Variants in TACR1 observed in about 807,000 individuals in gnomAD.
TACR1 encodes the protein tachykinin receptor 1.
A neutral mutation model predicts 35.8 loss-of-function variants in TACR1; 25 were observed. The ratio of observed to expected loss-of-function variants is 0.70; its 90% CI spans 0.51 to 0.98. TACR1 has a LOEUF of 0.98. TACR1 is among the 50% of genes least tolerant of loss of function. TACR1 has a pLI of 0.00. For missense variants in TACR1, 478 were observed against 522.9 expected, an observed-to-expected ratio of 0.91 and a Z score of 0.84; for synonymous variants, 195 against 206.7, an observed-to-expected ratio of 0.94 and a Z score of 0.48.
At chr2:75,095,376 C>T (rs1218876509) in intron 2 of TACR1, among the ~76,000 whole-genome samples, 1 of 152,142 alleles carries the variant, frequency 6.6e-6, no homozygotes, top group East Asian at 1.9e-4. Flanking sequence ...TGCTCTCTTT[C>T]CACAGCCTCC....
chr2:75,092,426 A>G (rs1558550255), intron 2 of TACR1, among the ~76,000 whole-genome samples: 1 of 152,184 alleles, frequency 6.6e-6, no homozygotes, highest in East Asian at 1.9e-4. Context: ...GGGTTAAAAA[A>G]AAAGATTTTA....
chr2:75,139,837 G>A (rs1674366093), intron 1 of TACR1, among the ~76,000 whole-genome samples: 1 of 152,180 alleles, frequency 6.6e-6, no homozygotes, highest in African/African-American at 2.4e-5. Context: ...AAAACAGTGA[G>A]GGGAGGCGTG....
At chr2:75,198,469 A>G in intron 1 of TACR1, 77 bp downstream of exon 1, 1 of 1,541,704 alleles carries the variant, frequency 6.5e-7, no homozygotes. Flanking sequence ...CCCATACCCC[A>G]CCCAGTTCCA....
At chr2:75,159,893 T>C (rs1674961263) in intron 1 of TACR1, among the ~76,000 whole-genome samples, 1 of 152,134 alleles carries the variant, frequency 6.6e-6, no homozygotes, top group South Asian at 2.1e-4. Context: ...TACATGTCAA[T>C]AGAGGTACCA....
chr2:75,069,488 G>A (rs1164462697), intron 2 of TACR1, among the ~76,000 whole-genome samples: 4 of 152,124 alleles, frequency 2.6e-5, no homozygotes, highest in Admixed American at 1.3e-4. Context: ...TATTAGTGTA[G>A]TACATTTGTC....
chr2:75,171,089 T>C (rs1675269359), intron 1 of TACR1, among the ~76,000 whole-genome samples: 1 of 152,026 alleles, frequency 6.6e-6, no homozygotes, highest in Non-Finnish European at 1.5e-5. Flanking sequence ...ATGTCAGAGG[T>C]CTTCACTGCA....
intron 1 of TACR1, among the ~76,000 whole-genome samples, chr2:75,163,988 G>C (rs1675076400): frequency 1.3e-5 from 2 of 151,824 alleles, no homozygotes. Flanking sequence ...TCCTAAAAAA[G>C]TAAACAAATG....
At chr2:75,062,257 C>T (rs1397226007) in intron 2 of TACR1, among the ~76,000 whole-genome samples, 1 of 152,020 alleles carries the variant, frequency 6.6e-6, no homozygotes, top group Non-Finnish European at 1.5e-5. Context: ...GTACTATATA[C>T]TCATCGTCGA....
intron 1 of TACR1, among the ~76,000 whole-genome samples, chr2:75,171,518 C>T (rs1395208057): frequency 1.3e-5 from 2 of 152,148 alleles, no homozygotes; most frequent in Non-Finnish European, 2.9e-5. Flanking sequence ...AAGAGGGCCA[C>T]CATCCTTCAG....
intron 2 of TACR1, among the ~76,000 whole-genome samples, chr2:75,113,532 CTTTTT>C (rs11437762): frequency 3.3e-5 from 3 of 92,082 alleles, no homozygotes; most frequent in African/African-American, 1.3e-4. Flanking sequence ...TTTCTTCTTC[CTTTTT>C]TTTTTTTTTT....
chr2:75,176,606 A>G (rs1037977746), intron 1 of TACR1, among the ~76,000 whole-genome samples: 1 of 151,572 alleles, frequency 6.6e-6, no homozygotes, highest in Non-Finnish European at 1.5e-5. Context: ...GCCATCTGAG[A>G]CTCTTCATCT....
chr2:75,160,185 T>C (rs3821318), intron 1 of TACR1, among the ~76,000 whole-genome samples: 83,600 of 151,658 alleles, frequency 0.55, 23,269 homozygotes, highest in Non-Finnish European at 0.57. Flanking sequence ...ATTGGGAGTT[T>C]TGGGAGTTTA....
intron 1 of TACR1, among the ~76,000 whole-genome samples, chr2:75,169,839 TA>T (rs1675233081): frequency 6.6e-6 from 1 of 152,194 alleles, no homozygotes. Context: ...TTTTCATAAC[TA>T]ATGATTTTTC....
intron 1 of TACR1, among the ~76,000 whole-genome samples, chr2:75,125,339 A>G (rs1017741970): frequency 3.3e-5 from 5 of 152,012 alleles, no homozygotes; most frequent in Non-Finnish European, 7.4e-5. Flanking sequence ...GCCTGCCACC[A>G]TGCCTAGCTA....
intron 2 of TACR1, among the ~76,000 whole-genome samples, chr2:75,103,012 G>A (rs1193088227): frequency 6.6e-6 from 1 of 152,088 alleles, no homozygotes; most frequent in Non-Finnish European, 1.5e-5. Context: ...AACTTATTTG[G>A]TCTTGGTATT....
intron 1 of TACR1, among the ~76,000 whole-genome samples, chr2:75,145,831 G>T (rs920656951): frequency 1.1e-4 from 17 of 152,218 alleles, no homozygotes; most frequent in Admixed American, 9.8e-4. Flanking sequence ...TCTTATTGCA[G>T]ATCCAGGTGG....
chr2:75,181,917 A>T (rs1342506982), intron 1 of TACR1, among the ~76,000 whole-genome samples: 7 of 152,228 alleles, frequency 4.6e-5, no homozygotes, highest in Admixed American at 4.6e-4. Flanking sequence ...GTTACAAATA[A>T]CAGAACGTCT....
intron 2 of TACR1, among the ~76,000 whole-genome samples, chr2:75,103,324 C>T (rs552460140): frequency 3.9e-4 from 60 of 152,072 alleles, no homozygotes; most frequent in African/African-American, 1.4e-3. Flanking sequence ...TCAAAACACA[C>T]GACACAACAC....
intron 1 of TACR1, among the ~76,000 whole-genome samples, chr2:75,177,372 C>T (rs1370060039): frequency 2.0e-5 from 3 of 152,194 alleles, no homozygotes; most frequent in Middle Eastern, 3.2e-3. Context: ...AGTTTCTTGT[C>T]GTCCTCACTT....
Sources: allele counts gnomAD v4.1 joint callset (sites outside exome capture counted in the v4.1 genomes callset), GRCh38; gene constraint gnomAD v4.1.1; transcripts MANE v1.5; gene names NCBI Gene and HGNC (gene_info 2026-07-23, HGNC 2026-07-21).